Variants in DOT1L observed in about 807,000 individuals in gnomAD.
DOT1L encodes the protein histone-lysine N-methyltransferase, H3 lysine-79 specific.
A neutral mutation model predicts 153.3 loss-of-function variants in DOT1L; 33 were observed. The ratio of observed to expected loss-of-function variants is 0.22; its 90% CI spans 0.16 to 0.29. The LOEUF (loss-of-function observed/expected upper bound fraction) is 0.29. Among genes scored for constraint, DOT1L ranks in the 10% least tolerant of loss-of-function variants. The pLI, the probability that DOT1L is intolerant of heterozygous loss-of-function variation, is 1.00. For missense variants in DOT1L, 1,847 were observed against 2,119.9 expected, an observed-to-expected ratio of 0.87 and a Z score of 2.53; for synonymous variants, 1,135 against 965.1, an observed-to-expected ratio of 1.18 and a Z score of -3.26.
At chr19:2,200,869 GTATTCCTCTTCCTCCCCGCATTCTTCA>G (rs1467755554) in intron 8 of DOT1L, among the ~76,000 whole-genome samples, 1 of 130,206 alleles carries the variant, frequency 7.7e-6, no homozygotes, top group African/African-American at 3.0e-5. Context: ...CATCTTCCCT[GTATTCCTCTTCCTCCCCGCATTCTTCA>G]TCCTCCCCTC....
At position 2,208,066 on chromosome 19, in the gene DOT1L, G is replaced by A. The variant is rs961735522; in HGVS notation, c.963+386G>A. Among the ~76,000 whole-genome samples, 1 of 152,146 alleles carries A rather than the reference G, an allele frequency of 6.6e-6. No homozygotes were observed. The highest frequency in any genetic ancestry group is 1.5e-5 in the Non-Finnish European group (1 of 68,002). On this transcript the variant is annotated intron_variant, in intron 11 of 27. Transcript: ENST00000398665. This position sits in a 1 kb window ranked among gnomAD's most constrained non-coding sequence, Gnocchi z 4.4. ...AGCTTCCTCCATGTGAGAGGGTCCT[G>A]AGCGGGGAGACACCAGGGTCCATGG...
chr19:2,232,286 A>G lies in DOT1L; in HGVS notation c.*2494A>G. On this transcript the variant is annotated 3_prime_UTR_variant, in exon 28 of 28. Coordinates refer to ENST00000398665, the MANE Select transcript of DOT1L (RefSeq NM_032482.3). ...GTGACTTATTTAAGACTTCCCCCTT[A>G]ATTTATCTGCCCCCAGGATGCGTCA... 5.1e-6 allele frequency: 1 copy of G among 196,860 alleles called. No individual in the cohort carries two copies. The highest frequency in any genetic ancestry group is 1.0e-5 in the Non-Finnish European group (1 of 96,110). 12.2% of individuals were successfully genotyped at this position (196,860 alleles called of 1,614,324 possible).
At chr19:2,171,782 T>C (rs2144661208) in intron 1 of DOT1L, among the ~76,000 whole-genome samples, 1 of 152,312 alleles carries the variant, frequency 6.6e-6, no homozygotes, top group South Asian at 2.1e-4. Flanking sequence ...GGGAAGGACC[T>C]GAGGTGAAGT....
In DOT1L at chr19:2,207,529, GC is replaced by G. The variant is rs1568353730; in HGVS notation, c.857-44del. ...GGGTGGGTGAGGTCTGCATGGAGGG[GC>G]TGTGGGCAGGCGCAGGCCCCGGCCT... On this transcript the variant is annotated intron_variant, in intron 10 of 27. Transcript: ENST00000398665. This position sits in a 1 kb window ranked among gnomAD's most constrained non-coding sequence, Gnocchi z 4.5. The G allele has an allele frequency of 6.5e-7, 1 of 1,549,598 alleles. No homozygotes were observed. The highest frequency in any genetic ancestry group is 2.2e-5 in the East Asian group (1 of 44,462).
chr19:2,177,232 G>A (rs1239212763), intron 1 of DOT1L, among the ~76,000 whole-genome samples: 1 of 151,928 alleles, frequency 6.6e-6, no homozygotes, highest in African/African-American at 2.4e-5. Flanking sequence ...GCAGAGCACA[G>A]AACATACAGG....
At chr19:2,186,561 C>T (rs2144721229) in intron 3 of DOT1L, among the ~76,000 whole-genome samples, 2 of 152,352 alleles carry the variant, frequency 1.3e-5, no homozygotes, top group Middle Eastern at 6.8e-3. Flanking sequence ...TTAGGTGAGC[C>T]CCTCTCCACA....
rs2023663123 is a variant in DOT1L, at chr19:2,210,383, A to G, written c.1006-17A>G. 2 of 1,512,448 alleles carry G rather than the reference A, an allele frequency of 1.3e-6. No homozygotes were observed. Among genetic ancestry groups the G allele is most frequent in the Non-Finnish European group, 1.8e-6 (2 of 1,131,716 alleles). The allele number at this position is 1,512,448 out of a possible 1,614,324, so 93.7% of individuals were successfully genotyped here. On this transcript the variant is annotated splice_polypyrimidine_tract_variant and intron_variant, in intron 12 of 27. Coordinates refer to ENST00000398665, the MANE Select transcript of DOT1L (RefSeq NM_032482.3). ...CAGCGCTGGGGCTTCCTGTGGCTCA[A>G]CCTGCTCTCCTTCCAGGAGGAACAG...
chr19:2,202,233 ATGC>A (rs901185724), intron 8 of DOT1L, among the ~76,000 whole-genome samples: 228 of 152,272 alleles, frequency 1.5e-3, no homozygotes, highest in African/African-American at 5.3e-3. Flanking sequence ...AGTGTCTGAA[ATGC>A]TGCCAAGGGC....
chr19:2,195,161 C>G (rs914216239), intron 7 of DOT1L, among the ~76,000 whole-genome samples: 3 of 151,954 alleles, frequency 2.0e-5, no homozygotes, highest in Non-Finnish European at 4.4e-5. Context: ...GAAGGGGATG[C>G]TGTTTAGGGA....
Position 2,191,193 on chromosome 19 carries a change from A to G in DOT1L, c.446A>G (p.Asp149Gly). The stretch of plus-strand genomic sequence containing the variant: ...TTCGACCTGGTGGCCCAGATGATTG[A>G]TGAGATCAAGATGACCGACGACGAC... ...TSFDLVAQMI[D>G]EIKMTDDDLF... The change falls in exon 5 of 28, where the codon GAT (aspartate) becomes GGT (glycine). Residue 149 changes from aspartate (D) to glycine (G), a missense_variant. By Grantham distance (94) the Asp-to-Gly change is moderately conservative. This residue lies in a region of DOT1L where 148 missense variants were observed against 422.3 expected (regional missense o/e 0.35). Transcript: ENST00000398665. This position sits in a 1 kb window ranked among gnomAD's most constrained non-coding sequence, Gnocchi z 6.8. The G allele has an allele frequency of 6.2e-7, 1 of 1,613,448 alleles. No individual in the cohort carries two copies. The highest frequency in any genetic ancestry group is 8.5e-7 in the Non-Finnish European group (1 of 1,179,966).
Position 2,175,702 on chromosome 19 carries a change from C to T in DOT1L, c.82-5011C>T, listed in dbSNP as rs188136302. Reference sequence around the variant, plus strand: ...AAAATTAGCCAGGCGTGGTGGCTGACGCCTATAATCCCAGCTACTCAGGAG... The same window carrying T: ...AAAATTAGCCAGGCGTGGTGGCTGATGCCTATAATCCCAGCTACTCAGGAG... On this transcript the variant is annotated intron_variant, in intron 1 of 27. Transcript: ENST00000398665. Among the ~76,000 whole-genome samples, 832 of 152,106 alleles carry T rather than the reference C, an allele frequency of 5.5e-3. 14 individuals carry two copies. Among genetic ancestry groups the T allele is most frequent in the Admixed American group, 0.03 (461 of 15,258 alleles).
At position 2,231,716 on chromosome 19, in the gene DOT1L, T is replaced by C. The variant is rs897182119; in HGVS notation, c.*1924T>C. On this transcript the variant is annotated 3_prime_UTR_variant, in exon 28 of 28. Coordinates refer to ENST00000398665, the MANE Select transcript of DOT1L (RefSeq NM_032482.3). ...GCCACGGGCCGGATACGCCACAGGG[T>C]TGATGGCAGAGACGGCCGAGTCCCT... 6.6e-5 allele frequency: 14 copies of C among 213,052 alleles called. No homozygotes were observed. Among genetic ancestry groups the C allele is most frequent in the Admixed American group, 5.9e-4 (10 of 17,022 alleles). The allele number at this position is 213,052 out of a possible 1,614,324, so 13.2% of individuals were successfully genotyped here. A position where few individuals can be genotyped will look rare whatever the true frequency, so the allele number is the denominator to read the frequency against.
rs925188107 is a variant in DOT1L at position 2,193,343 on chromosome 19, C to T, written c.494-346C>T. On this transcript the variant is annotated intron_variant, in intron 5 of 27. Coordinates refer to ENST00000398665, the MANE Select transcript of DOT1L (RefSeq NM_032482.3). This position sits in a 1 kb window ranked among gnomAD's most constrained non-coding sequence, Gnocchi z 5.9. Reference sequence around the variant, plus strand: ...TGACGTGGGGATAATTTGAGGTGGACGGCAGCCTTTCCAGACCTGCAAAGT... The same window carrying T: ...TGACGTGGGGATAATTTGAGGTGGATGGCAGCCTTTCCAGACCTGCAAAGT... 2.6e-5 allele frequency among the ~76,000 whole-genome samples: 4 copies of T among 152,162 alleles called. No homozygotes were observed. The highest frequency in any genetic ancestry group is 7.2e-5 in the African/African-American group (3 of 41,424).
intron 1 of DOT1L, among the ~76,000 whole-genome samples, chr19:2,175,018 A>G (rs2021855402): frequency 1.5e-5 from 2 of 131,368 alleles, no homozygotes; most frequent in South Asian, 4.7e-4. Context: ...TTTTTTTTTT[A>G]GATGGAGTCT....
chr19:2,213,455 C>A, intron 16 of DOT1L, 84 bp from the exon 17 acceptor site: 1 of 1,373,432 alleles, frequency 7.3e-7, no homozygotes, highest in South Asian at 1.2e-5. Context: ...CTTCAGGAAG[C>A]ATGAGAGGCA....
Position 2,230,716 on chromosome 19 carries a change from A to T in DOT1L, c.*924A>T. ...GACAGCTTTTATTTTTAGATGGTATAATGCACAGTGAAGAGGAAAGAAAAG... is the reference window on the plus strand; with the variant it reads ...GACAGCTTTTATTTTTAGATGGTATTATGCACAGTGAAGAGGAAAGAAAAG... On this transcript the variant is annotated 3_prime_UTR_variant, in exon 28 of 28. Transcript: ENST00000398665. The T allele has an allele frequency of 2.5e-6, 1 of 397,840 alleles. No individual in the cohort carries two copies. Among genetic ancestry groups the T allele is most frequent in the Non-Finnish European group, 4.4e-6 (1 of 226,046 alleles). The allele number at this position is 397,840 out of a possible 1,614,324, so 24.6% of individuals were successfully genotyped here. A position where few individuals can be genotyped will look rare whatever the true frequency, so the allele number is the denominator to read the frequency against.
At chr19:2,201,238 G>A (rs1390522057) in intron 8 of DOT1L, among the ~76,000 whole-genome samples, 1 of 129,754 alleles carries the variant, frequency 7.7e-6, no homozygotes, top group Non-Finnish European at 1.6e-5. Flanking sequence ...TGCATTCCTC[G>A]TCCTCCCCTC....
chr19:2,229,464 C>T (rs2024506671), intron 27 of DOT1L: 1 of 985,430 alleles, frequency 1.0e-6, no homozygotes, highest in Non-Finnish European at 1.2e-6. Flanking sequence ...ATGCGGGCAC[C>T]TGCGGGCTGG....
At chr19:2,181,809 C>A (rs1444952057) in intron 2 of DOT1L, among the ~76,000 whole-genome samples, 1 of 151,070 alleles carries the variant, frequency 6.6e-6, no homozygotes, top group African/African-American at 2.5e-5. Flanking sequence ...CCAGCTGCAG[C>A]ATGCTTCTGG....
Sources: allele counts gnomAD v4.1 joint callset (sites outside exome capture counted in the v4.1 genomes callset), GRCh38; gene constraint gnomAD v4.1.1; regional missense constraint gnomAD v4.1.1; non-coding constraint Gnocchi (gnomAD v3.1); transcripts MANE v1.5; gene names NCBI Gene and HGNC (gene_info 2026-07-23, HGNC 2026-07-21).